CCPG1: variants seen among roughly 807,000 people sequenced by gnomAD.
CCPG1 encodes the protein cell cycle progression protein 1.
A neutral mutation model predicts 81.3 loss-of-function variants in CCPG1; 46 were observed. That is an observed-to-expected ratio of 0.57 (90% CI 0.45 to 0.72). The LOEUF is 0.72. Among genes scored for constraint, CCPG1 ranks in the 30% least tolerant of loss-of-function variants. CCPG1 has a pLI of 0.00. For missense variants in CCPG1, 902 were observed against 937.6 expected (o/e 0.96, Z 0.50); for synonymous variants, 330 against 305.2 (o/e 1.08, Z -0.85).
At chr15:55,376,915 C>A (rs2056578056) in intron 5 of CCPG1, 34 bp downstream of exon 5, 1 of 1,489,186 alleles carries the variant, frequency 6.7e-7, no homozygotes, top group Non-Finnish European at 9.3e-7. Context: ...TGTGGTCGTA[C>A]ATGTCTTTAA....
chr15:55,365,060 C>G, intron 7 of CCPG1, 128 bp downstream of exon 7: 1 of 608,214 alleles, frequency 1.6e-6, no homozygotes, highest in East Asian at 2.9e-5. Context: ...ACTAAATACC[C>G]GTACTCAATT....
At chr15:55,392,291 A>G (rs1232186904) in intron 1 of CCPG1, among the ~76,000 whole-genome samples, 1 of 147,712 alleles carries the variant, frequency 6.8e-6, no homozygotes, top group African/African-American at 2.5e-5. Context: ...GGCTCACCAC[A>G]ACCTCTGACT....
intron 1 of CCPG1, among the ~76,000 whole-genome samples, chr15:55,400,113 A>G (rs2057098780): frequency 6.6e-6 from 1 of 150,708 alleles, no homozygotes; most frequent in Non-Finnish European, 1.5e-5. Flanking sequence ...AGGCTGAGGC[A>G]CAAGAATTGC....
chr15:55,365,587 A>T (rs1360063546), intron 6 of CCPG1, among the ~76,000 whole-genome samples: 1 of 151,060 alleles, frequency 6.6e-6, no homozygotes, highest in South Asian at 2.1e-4. Flanking sequence ...GGCCCAACTA[A>T]TTTTTTATAG....
chr15:55,390,751 T>C (rs2056897851), intron 1 of CCPG1, among the ~76,000 whole-genome samples: 1 of 150,682 alleles, frequency 6.6e-6, no homozygotes, highest in Non-Finnish European at 1.5e-5. Flanking sequence ...ACATTAATAT[T>C]TCAAAAAGAG....
intron 1 of CCPG1, among the ~76,000 whole-genome samples, chr15:55,393,978 C>CT (rs1376358113): frequency 6.6e-5 from 10 of 152,190 alleles, no homozygotes; most frequent in Non-Finnish European, 2.9e-5. Context: ...CAATAAATCT[C>CT]TGACTTCATC....
chr15:55,390,942 G>T (rs12440680), intron 1 of CCPG1, among the ~76,000 whole-genome samples: 80,701 of 151,920 alleles, frequency 0.53, 22,606 homozygotes, highest in East Asian at 0.9. Context: ...GGCCCAGGCA[G>T]TTTATAACTC....
chr15:55,365,198 A>G lies in CCPG1; in HGVS notation c.818T>C (p.Ile273Thr). 6.9e-7 allele frequency: 1 copy of G among 1,455,220 alleles called. No individual in the cohort carries two copies. The highest frequency in any genetic ancestry group is 9.5e-7 in the Non-Finnish European group (1 of 1,053,178). The allele number at this position is 1,455,220 out of a possible 1,614,324, so 90.1% of individuals were successfully genotyped here. ...SQCQQEQESF[I>T]DYKSLKENLA... is the part of the protein sequence containing the mutation. ...GTTAGTGGTACATACCTTATAATCT[A>G]TAAAAGATTCTTGTTCCTGTTGACA... Residue 273 changes from isoleucine (I) to threonine (T), a missense_variant, in exon 7 of 9, where the codon ATA becomes ACA. Ile to Thr is a moderately conservative substitution (Grantham distance 89). Transcript: ENST00000442196.
At chr15:55,405,199 T>C (rs919999955) in intron 1 of CCPG1, among the ~76,000 whole-genome samples, 7 of 151,476 alleles carry the variant, frequency 4.6e-5, no homozygotes, top group African/African-American at 1.7e-4. Flanking sequence ...CTGTCTCTAC[T>C]AAAAAATGCA....
At chr15:55,356,485 C>T in intron 8 of CCPG1, 76 bp from the exon 9 acceptor site, 1 of 1,322,062 alleles carries the variant, frequency 7.6e-7, no homozygotes, top group Non-Finnish European at 1.0e-6. Context: ...TAAATGTTTT[C>T]TCCATTAATC....
At position 55,385,703 on chromosome 15, in the gene CCPG1, T is replaced by G; in HGVS notation, c.72A>C (p.Ile24=). 1.3e-6 allele frequency: 2 copies of G among 1,584,934 alleles called. No individual in the cohort carries two copies. The highest frequency in any genetic ancestry group is 1.7e-6 in the Non-Finnish European group (2 of 1,153,584). ...TGGGGGTCACAGAATTCAACATTTC[T>G]ATATCTGACCCCTAAGGAAAAGTGA... ...WTVISHEGSD[I]EMLNSVTPTD... is the part of the protein sequence containing the mutation. The change falls in exon 3 of 9, where the codon ATA becomes ATC. Residue 24 remains isoleucine, a synonymous_variant. Coordinates refer to ENST00000442196, the MANE Select transcript of CCPG1 (RefSeq NM_001204450.2).
chr15:55,381,689 T>G (rs1259323195), intron 3 of CCPG1, among the ~76,000 whole-genome samples: 1 of 152,246 alleles, frequency 6.6e-6, no homozygotes, highest in Non-Finnish European at 1.5e-5. Context: ...TGCATTTTAC[T>G]GTAATTTTTT....
intron 1 of CCPG1, among the ~76,000 whole-genome samples, chr15:55,397,258 AGTG>A (rs1322435110): frequency 1.3e-5 from 2 of 151,896 alleles, no homozygotes; most frequent in Non-Finnish European, 2.9e-5. Context: ...TAATAAACAG[AGTG>A]GTGGCAAGGG....
chr15:55,359,450 C>T, intron 8 of CCPG1, 89 bp downstream of exon 8: 1 of 1,496,464 alleles, frequency 6.7e-7, no homozygotes, highest in Non-Finnish European at 8.9e-7. Context: ...AAACGGTAAC[C>T]TTACAAGAAA....
chr15:55,381,620 CTCT>C (rs2056697738), intron 3 of CCPG1, among the ~76,000 whole-genome samples: 1 of 152,126 alleles, frequency 6.6e-6, no homozygotes, highest in South Asian at 2.1e-4. Flanking sequence ...CAGCTATAAT[CTCT>C]TCTATTTCTG....
intron 6 of CCPG1, among the ~76,000 whole-genome samples, chr15:55,370,013 T>C (rs578241353): frequency 0.011 from 1,664 of 152,274 alleles, 14 homozygotes; most frequent in Non-Finnish European, 0.014. Context: ...GGTAAATATA[T>C]ATTTCAAATC....
chr15:55,407,246 G>T (rs1414069434), intron 1 of CCPG1, among the ~76,000 whole-genome samples: 1 of 144,276 alleles, frequency 6.9e-6, no homozygotes, highest in African/African-American at 2.6e-5. Flanking sequence ...AAAAAAATAT[G>T]AATTAAAATA....
intron 5 of CCPG1, 93 bp downstream of exon 5, chr15:55,376,856 A>G: frequency 1.1e-6 from 1 of 916,138 alleles, no homozygotes; most frequent in South Asian, 1.6e-5. Flanking sequence ...AACATATTCA[A>G]AACTAGAGAC....
intron 8 of CCPG1, 95 bp from the exon 9 acceptor site, chr15:55,356,504 G>T: frequency 3.1e-6 from 4 of 1,296,410 alleles, no homozygotes; most frequent in South Asian, 1.7e-5. Flanking sequence ...TCTATGATCT[G>T]AACACTGATA....
Sources: allele counts gnomAD v4.1 joint callset (sites outside exome capture counted in the v4.1 genomes callset), GRCh38; gene constraint gnomAD v4.1.1; transcripts MANE v1.5; gene names NCBI Gene and HGNC (gene_info 2026-07-23, HGNC 2026-07-21).